Variants in MAP3K5 observed in about 807,000 individuals in gnomAD.
The protein encoded by MAP3K5 is ASK-1.
In MAP3K5, 56 loss-of-function variants were observed where a neutral mutation model predicts 158.7. That is an observed-to-expected ratio of 0.35 (90% CI 0.28 to 0.44). MAP3K5 has a LOEUF of 0.44. Among genes scored for constraint, MAP3K5 ranks in the 20% least tolerant of loss-of-function variants. MAP3K5 has a pLI of 1.00. For synonymous variants in MAP3K5, 579 were observed against 601.7 expected (o/e 0.96, Z 0.55); for missense variants, 1,294 against 1,674.8 (o/e 0.77, Z 3.97).
intron 1 of MAP3K5, among the ~76,000 whole-genome samples, chr6:136,757,601 T>TTTTTTTTTC (rs1783561134): frequency 6.7e-6 from 1 of 149,748 alleles, no homozygotes; most frequent in African/African-American, 2.4e-5. Flanking sequence ...TTTTTTTTTT[T>TTTTTTTTTC]TTTGAGACGG....
chr6:136,732,563 C>T (rs1782274654), intron 1 of MAP3K5, among the ~76,000 whole-genome samples: 1 of 152,204 alleles, frequency 6.6e-6, no homozygotes, highest in Non-Finnish European at 1.5e-5. Flanking sequence ...TGATAGACAG[C>T]TGGTAGCCAA....
chr6:136,766,809 A>G (rs1783987055), intron 1 of MAP3K5, among the ~76,000 whole-genome samples: 1 of 152,216 alleles, frequency 6.6e-6, no homozygotes, highest in Non-Finnish European at 1.5e-5. Flanking sequence ...CACAGATAGG[A>G]ATTACTTCCA....
At chr6:136,754,052 C>A (rs939206166) in intron 1 of MAP3K5, among the ~76,000 whole-genome samples, 2 of 151,744 alleles carry the variant, frequency 1.3e-5, no homozygotes, top group Admixed American at 6.6e-5. Flanking sequence ...CACAGAGAAT[C>A]GCTTGAGTCC....
At chr6:136,732,128 TAAG>T (rs1041554111) in intron 1 of MAP3K5, among the ~76,000 whole-genome samples, 3 of 151,798 alleles carry the variant, frequency 2.0e-5, no homozygotes, top group African/African-American at 4.8e-5. Flanking sequence ...ACTTTAAAGG[TAAG>T]AAGGAGAGAA....
chr6:136,632,868 T>C lies in MAP3K5; in HGVS notation c.2016+4457A>G, dbSNP rs797005288. Among the ~76,000 whole-genome samples the C allele has an allele frequency of 1.3e-4, 20 of 152,282 alleles. 1 individual carries two copies. The highest frequency in any genetic ancestry group is 4.8e-4 in the African/African-American group (20 of 41,554). ...TGATGATTTCAATATAAAAGTATTA[T>C]AATAATAACATATTAAAATACTTGA... On this transcript the variant is annotated intron_variant, in intron 14 of 29. Transcript: ENST00000359015.
At chr6:136,665,741 G>A (rs1371114502) in intron 8 of MAP3K5, among the ~76,000 whole-genome samples, 8 of 152,120 alleles carry the variant, frequency 5.3e-5, no homozygotes, top group Admixed American at 1.3e-4. Flanking sequence ...TCTAATTTTC[G>A]GAAAAGTTGG....
chr6:136,651,365 G>A (rs1778512575), intron 10 of MAP3K5, among the ~76,000 whole-genome samples: 1 of 152,152 alleles, frequency 6.6e-6, no homozygotes, highest in Non-Finnish European at 1.5e-5. Context: ...CATGGGTTCA[G>A]CTATCCTCAG....
At chr6:136,672,691 C>CTT in intron 7 of MAP3K5, among the ~76,000 whole-genome samples, 1 of 152,128 alleles carries the variant, frequency 6.6e-6, no homozygotes, top group South Asian at 2.1e-4. Context: ...GGAAAAAAGT[C>CTT]TTCCCTTTAA....
At chr6:136,614,385 C>A in intron 15 of MAP3K5, 99 bp from the exon 16 acceptor site, 1 of 1,379,992 alleles carries the variant, frequency 7.2e-7, no homozygotes, top group Non-Finnish European at 9.9e-7. Context: ...AATATATGTC[C>A]ATATGTAAAA....
chr6:136,616,676 GAAAA>G (rs1220531646), intron 15 of MAP3K5, among the ~76,000 whole-genome samples: 4 of 151,878 alleles, frequency 2.6e-5, no homozygotes, highest in Non-Finnish European at 5.9e-5. Flanking sequence ...AAGAGATAAA[GAAAA>G]ATCTGAAACA....
At chr6:136,788,572 G>A (rs1486205860) in intron 1 of MAP3K5, among the ~76,000 whole-genome samples, 2 of 152,002 alleles carry the variant, frequency 1.3e-5, no homozygotes, top group African/African-American at 4.8e-5. Context: ...AAATAACCCC[G>A]TTAAAAAGTA....
chr6:136,592,105 T>C (rs1489427039), intron 23 of MAP3K5, 68 bp downstream of exon 23: 4 of 1,395,446 alleles, frequency 2.9e-6, no homozygotes, highest in Non-Finnish European at 3.9e-6. Flanking sequence ...CTGTGACAGC[T>C]GCAGGCGGTT....
intron 1 of MAP3K5, 132 bp downstream of exon 1, chr6:136,791,578 A>C: frequency 1.1e-6 from 1 of 944,806 alleles, no homozygotes; most frequent in Non-Finnish European, 1.7e-6. Context: ...GCAGTCACGC[A>C]GCGGCGCTCG....
chr6:136,674,485 G>GA (rs761125039), intron 7 of MAP3K5, among the ~76,000 whole-genome samples: 25 of 151,838 alleles, frequency 1.6e-4, no homozygotes, highest in Non-Finnish European at 3.4e-4. Flanking sequence ...TAATGTAGGA[G>GA]AAAATGTAAT....
At chr6:136,723,624 G>C (rs1162781701) in intron 1 of MAP3K5, among the ~76,000 whole-genome samples, 3 of 152,144 alleles carry the variant, frequency 2.0e-5, no homozygotes, top group Non-Finnish European at 4.4e-5. Flanking sequence ...TTCAAGACCT[G>C]TGTGATGGAA....
At chr6:136,574,441 T>C (rs576822052) in intron 25 of MAP3K5, among the ~76,000 whole-genome samples, 1 of 152,310 alleles carries the variant, frequency 6.6e-6, no homozygotes, top group East Asian at 1.9e-4. Context: ...TTATTGTTGA[T>C]AGAGGAAGTA....
chr6:136,638,963 C>A (rs921596127), intron 13 of MAP3K5, among the ~76,000 whole-genome samples: 7 of 152,150 alleles, frequency 4.6e-5, no homozygotes, highest in Middle Eastern at 3.2e-3. Context: ...TAATTATTAG[C>A]CCAAGAGAAA....
intron 18 of MAP3K5, among the ~76,000 whole-genome samples, chr6:136,608,426 T>A (rs1240660946): frequency 6.6e-6 from 1 of 151,758 alleles, no homozygotes; most frequent in Admixed American, 6.6e-5. Context: ...AGGTGAGCGA[T>A]GAGAGTGGCA....
At position 136,677,132 on chromosome 6, in the gene MAP3K5, ATTT is replaced by A. The variant is rs1214152994; in HGVS notation, c.1254-7740_1254-7738del. 8.4e-3 allele frequency among the ~76,000 whole-genome samples: 780 copies of A among 93,340 alleles called. 4 individuals are homozygous for A. Among genetic ancestry groups the A allele is most frequent in the African/African-American group, 0.028 (551 of 19,632 alleles). The allele number at this position is 93,340 out of a possible 152,430, so 61.2% of individuals were successfully genotyped here. The stretch of plus-strand genomic sequence containing the variant: ...AGATGTTAAAATAATGATGATATCC[ATTT>A]TTTTTTTTTTTTTTTTTTTTGAGGC... On this transcript the variant is annotated intron_variant, in intron 7 of 29. Transcript: ENST00000359015.
Sources: gnomAD v4.1 joint callset for allele counts (sites outside exome capture counted in the v4.1 genomes callset) on GRCh38, gnomAD v4.1.1 for gene constraint, MANE v1.5 for transcripts, NCBI Gene and HGNC (gene_info 2026-07-23, HGNC 2026-07-21) for gene names.